Variants in POLR3B observed in about 807,000 individuals in gnomAD.
The protein encoded by POLR3B is RNA polymerase III subunit B.
A neutral mutation model predicts 147.4 loss-of-function variants in POLR3B; 96 were observed. The observed-to-expected ratio is 0.65, with a 90% CI of 0.55 to 0.77. POLR3B has a LOEUF of 0.77. Among genes scored for constraint, POLR3B ranks in the 30% least tolerant of loss-of-function variants. POLR3B has a pLI of 0.00. For missense variants in POLR3B, 1,036 were observed against 1,413.5 expected (o/e 0.73, Z 4.28); for synonymous variants, 461 against 485.9 (o/e 0.95, Z 0.67).
Position 106,405,959 on chromosome 12 carries a change from A to G in POLR3B, c.949A>G (p.Ile317Val), listed in dbSNP as rs376426432. ...EEARELLAST[I>V]LTHVPVKEFN... Reference sequence around the variant, plus strand: ...AGCAAGAGAGCTCCTGGCTTCCACCATTCTGACCCATGTCCCAGTGAGTAA... The same window carrying G: ...AGCAAGAGAGCTCCTGGCTTCCACCGTTCTGACCCATGTCCCAGTGAGTAA... The change falls in exon 11 of 28, where the codon ATT becomes GTT. Residue 317 changes from isoleucine to valine, a missense_variant. This residue lies in a region of POLR3B where 217 missense variants were observed against 288.7 expected (regional missense o/e 0.75). Transcript: ENST00000228347. The G allele has an allele frequency of 5.0e-6, 8 of 1,613,778 alleles. No homozygotes were observed. The Admixed American group carries it at 8.3e-5, about 17-fold the overall frequency.
At chr12:106,492,415 TG>T (rs2137069934) in intron 23 of POLR3B, among the ~76,000 whole-genome samples, 1 of 151,610 alleles carries the variant, frequency 6.6e-6, no homozygotes, top group South Asian at 2.1e-4. Flanking sequence ...CTGGACGTGG[TG>T]GCACGCAGCT....
At chr12:106,470,937 G>T (rs2038082772) in intron 23 of POLR3B, among the ~76,000 whole-genome samples, 1 of 152,174 alleles carries the variant, frequency 6.6e-6, no homozygotes, top group Admixed American at 6.5e-5. Flanking sequence ...TGAGGAGGCA[G>T]TCTGTCCATT....
chr12:106,390,988 T>C (rs1298898812), intron 9 of POLR3B, among the ~76,000 whole-genome samples: 1 of 152,310 alleles, frequency 6.6e-6, no homozygotes, highest in South Asian at 2.1e-4. Context: ...TGTAGAGCAC[T>C]ATGATTGCAC....
intron 12 of POLR3B, among the ~76,000 whole-genome samples, chr12:106,413,969 G>C (rs2037265417): frequency 6.6e-6 from 1 of 151,800 alleles, no homozygotes; most frequent in East Asian, 1.9e-4. Flanking sequence ...GAAACATTCA[G>C]AAGAGTTAGA....
chr12:106,361,452 T>C (rs1290632901), intron 1 of POLR3B, among the ~76,000 whole-genome samples: 2 of 152,172 alleles, frequency 1.3e-5, no homozygotes, highest in East Asian at 3.9e-4. Flanking sequence ...TTAAGTAGCC[T>C]CTGAGGCTGT....
intron 15 of POLR3B, 70 bp from the exon 16 acceptor site, chr12:106,433,649 G>T: frequency 8.0e-7 from 1 of 1,247,468 alleles, no homozygotes. Context: ...TATTTTTATT[G>T]GTTGGATATA....
intron 23 of POLR3B, among the ~76,000 whole-genome samples, chr12:106,465,687 C>T (rs11113004): frequency 0.2 from 30,032 of 152,108 alleles, 3,124 homozygotes; most frequent in Non-Finnish European, 0.22. Flanking sequence ...TGTTCAACTC[C>T]GACTTATGAG....
chr12:106,447,330 A>G (rs1410724206), intron 19 of POLR3B, among the ~76,000 whole-genome samples: 1 of 152,188 alleles, frequency 6.6e-6, no homozygotes, highest in Non-Finnish European at 1.5e-5. Flanking sequence ...GGCCAGCACA[A>G]ACCACAGAGA....
chr12:106,453,509 G>A (rs928680222), intron 19 of POLR3B, among the ~76,000 whole-genome samples: 3 of 152,064 alleles, frequency 2.0e-5, no homozygotes, highest in Non-Finnish European at 4.4e-5. Context: ...GTGCAAGAGA[G>A]AGAGACTTAA....
intron 9 of POLR3B, among the ~76,000 whole-genome samples, chr12:106,390,681 T>G (rs2036902212): frequency 6.6e-6 from 1 of 150,546 alleles, no homozygotes; most frequent in Non-Finnish European, 1.5e-5. Flanking sequence ...GAAAAAGGTC[T>G]TGCATCCTGA....
intron 10 of POLR3B, 83 bp from the exon 11 acceptor site, chr12:106,405,774 C>G (rs2037143297): frequency 7.4e-7 from 1 of 1,344,002 alleles, no homozygotes; most frequent in Non-Finnish European, 1.1e-6. Context: ...ATCTCTTTCG[C>G]TCATACTGTA....
chr12:106,455,665 C>T (rs2037855868), intron 20 of POLR3B, among the ~76,000 whole-genome samples: 1 of 152,126 alleles, frequency 6.6e-6, no homozygotes, highest in Admixed American at 6.6e-5. Context: ...TGATTTCATG[C>T]AGTTAAGATT....
At chr12:106,448,670 C>T (rs528315343) in intron 19 of POLR3B, among the ~76,000 whole-genome samples, 5 of 151,740 alleles carry the variant, frequency 3.3e-5, no homozygotes, top group Non-Finnish European at 7.4e-5. Flanking sequence ...GAACTCCTGA[C>T]CTCAGGTGAT....
At chr12:106,480,764 C>G (rs2038255860) in intron 23 of POLR3B, among the ~76,000 whole-genome samples, 1 of 152,024 alleles carries the variant, frequency 6.6e-6, no homozygotes, top group Non-Finnish European at 1.5e-5. Context: ...GCTCTGGTCA[C>G]AAGCAGTAAA....
chr12:106,492,130 A>G (rs2038414727), intron 23 of POLR3B, among the ~76,000 whole-genome samples: 1 of 151,840 alleles, frequency 6.6e-6, no homozygotes, highest in Non-Finnish European at 1.5e-5. Flanking sequence ...GAATGTGTTA[A>G]TTTTTCTTAC....
intron 13 of POLR3B, among the ~76,000 whole-genome samples, chr12:106,427,896 A>G (rs556042485): frequency 6.6e-6 from 1 of 152,318 alleles, no homozygotes; most frequent in African/African-American, 2.4e-5. Flanking sequence ...TTCTTAAAGC[A>G]TAACAACTAT....
intron 11 of POLR3B, among the ~76,000 whole-genome samples, chr12:106,408,383 C>T (rs867943351): frequency 6.6e-6 from 1 of 152,250 alleles, no homozygotes; most frequent in Middle Eastern, 3.4e-3. Context: ...GACTGTGGTT[C>T]TCAAAGAACA....
chr12:106,470,912 G>A (rs889406007), intron 23 of POLR3B, among the ~76,000 whole-genome samples: 1 of 152,096 alleles, frequency 6.6e-6, no homozygotes, highest in African/African-American at 2.4e-5. Flanking sequence ...GCTACACGGG[G>A]GTCAGGGACC....
intron 12 of POLR3B, among the ~76,000 whole-genome samples, chr12:106,415,375 T>C (rs2037287631): frequency 6.6e-6 from 1 of 152,192 alleles, no homozygotes; most frequent in Non-Finnish European, 1.5e-5. Context: ...TTAGAGTCTA[T>C]GTTGTTGGTG....
Sources: allele counts gnomAD v4.1 joint callset (sites outside exome capture counted in the v4.1 genomes callset), GRCh38; gene constraint gnomAD v4.1.1; regional missense constraint gnomAD v4.1.1; transcripts MANE v1.5; gene names NCBI Gene and HGNC (gene_info 2026-07-23, HGNC 2026-07-21).